HDAC4: variants seen among roughly 807,000 people sequenced by gnomAD.
HDAC4 encodes histone deacetylase A.
A neutral mutation model predicts 135.1 loss-of-function variants in HDAC4; 16 were observed. That is an observed-to-expected ratio of 0.12 (90% CI 0.08 to 0.18). The LOEUF is 0.18. Among genes scored for constraint, HDAC4 ranks in the 10% least tolerant of loss-of-function variants. The probability of loss-of-function intolerance (pLI) is 1.00; values close to 1 mark genes in which losing one functional copy is unlikely to be tolerated. For missense variants in HDAC4, 1,143 were observed against 1,511.8 expected (o/e 0.76, Z 4.05); for synonymous variants, 685 against 653.4 (o/e 1.05, Z -0.74).
At chr2:239,327,260 G>T (rs2053498810) in intron 2 of HDAC4, among the ~76,000 whole-genome samples, 1 of 152,190 alleles carries the variant, frequency 6.6e-6, no homozygotes, top group East Asian at 1.9e-4. Context: ...CTTTCCCACG[G>T]GGTGGCCCAG....
intron 2 of HDAC4, among the ~76,000 whole-genome samples, chr2:239,314,458 A>G (rs2053031687): frequency 6.6e-6 from 1 of 152,178 alleles, no homozygotes; most frequent in African/African-American, 2.4e-5. Context: ...CCATTTGCCA[A>G]AAAGGGGGAT....
intron 12 of HDAC4, among the ~76,000 whole-genome samples, chr2:239,119,001 G>A (rs1263109274): frequency 6.6e-6 from 1 of 152,196 alleles, no homozygotes; most frequent in African/African-American, 2.4e-5. Flanking sequence ...GGGGTGCCAG[G>A]TGCAGCAGGG....
At chr2:239,244,351 G>A (rs941470607) in intron 2 of HDAC4, among the ~76,000 whole-genome samples, 1 of 152,296 alleles carries the variant, frequency 6.6e-6, no homozygotes. Flanking sequence ...GCAGGTGTCT[G>A]TGAGAAAGCG....
At chr2:239,238,026 G>T (rs767336811) in intron 2 of HDAC4, among the ~76,000 whole-genome samples, 1 of 152,218 alleles carries the variant, frequency 6.6e-6, no homozygotes, top group Non-Finnish European at 1.5e-5. Flanking sequence ...CACCAGACCT[G>T]AGCAATCGCC....
intron 11 of HDAC4, among the ~76,000 whole-genome samples, chr2:239,128,607 C>T (rs1256782403): frequency 3.3e-5 from 5 of 152,216 alleles, no homozygotes; most frequent in East Asian, 1.9e-4. Flanking sequence ...AACTACTTCA[C>T]GGAGGAAATA....
chr2:239,185,718 T>A (rs975067218), intron 4 of HDAC4, among the ~76,000 whole-genome samples: 14 of 152,172 alleles, frequency 9.2e-5, no homozygotes, highest in Admixed American at 4.6e-4. Flanking sequence ...CATATTCTTC[T>A]GGGAGGCATT....
intron 2 of HDAC4, among the ~76,000 whole-genome samples, chr2:239,275,449 G>T (rs764493480): frequency 8.5e-5 from 13 of 152,222 alleles, no homozygotes; most frequent in Non-Finnish European, 1.8e-4. Context: ...GGCGCTGTTG[G>T]TCGGGACGCT....
chr2:239,297,027 TAAA>T (rs71043186), intron 2 of HDAC4, among the ~76,000 whole-genome samples: 122 of 118,180 alleles, frequency 1.0e-3, no homozygotes, highest in South Asian at 4.5e-3. Context: ...TGTTTTCATG[TAAA>T]AAAAAAAAAA....
chr2:239,310,320 C>T (rs1360752749), intron 2 of HDAC4, among the ~76,000 whole-genome samples: 1 of 152,218 alleles, frequency 6.6e-6, no homozygotes, highest in African/African-American at 2.4e-5. Flanking sequence ...AAGCCTGGTC[C>T]AGAGCTCCAC....
At chr2:239,305,648 A>G (rs966193453) in intron 2 of HDAC4, 6 of 152,542 alleles carry the variant, frequency 3.9e-5, no homozygotes, top group African/African-American at 1.4e-4. Context: ...AGGTAAATGA[A>G]TAAGAACTGA....
At chr2:239,090,140 G>A in intron 17 of HDAC4, 24 bp from the exon 18 acceptor site, 2 of 1,536,290 alleles carry the variant, frequency 1.3e-6, no homozygotes, top group African/African-American at 1.4e-5. Flanking sequence ...ACCCCACAGT[G>A]AGGTCACCCT....
intron 1 of HDAC4, among the ~76,000 whole-genome samples, chr2:239,378,999 C>A (rs1369983793): frequency 6.6e-6 from 1 of 152,148 alleles, no homozygotes; most frequent in Non-Finnish European, 1.5e-5. Context: ...TGGCACACAG[C>A]AGAATCTTCA....
At chr2:239,178,680 G>A (rs1004331273) in intron 4 of HDAC4, among the ~76,000 whole-genome samples, 17 of 152,218 alleles carry the variant, frequency 1.1e-4, no homozygotes, top group African/African-American at 1.9e-4. Context: ...TGCCTCACCC[G>A]GCCACTGGTG....
intron 2 of HDAC4, among the ~76,000 whole-genome samples, chr2:239,249,422 C>G (rs544261388): frequency 6.6e-6 from 1 of 152,124 alleles, no homozygotes; most frequent in Middle Eastern, 3.2e-3. Context: ...GCCACACTCA[C>G]CCAGGTAGGG....
chr2:239,076,220 G>A (rs550688410), intron 22 of HDAC4, among the ~76,000 whole-genome samples: 5 of 150,330 alleles, frequency 3.3e-5, no homozygotes, highest in African/African-American at 9.8e-5. Context: ...TGTTGGCCAC[G>A]CCCCTCGGCT....
rs2041738920 is a variant in HDAC4, at chr2:239,146,043, G to C, written c.734-1329C>G. Among the ~76,000 whole-genome samples, 1 of 152,156 alleles carries C rather than the reference G, an allele frequency of 6.6e-6. No individual in the cohort carries two copies. Among genetic ancestry groups the C allele is most frequent in the Non-Finnish European group, 1.5e-5 (1 of 68,020 alleles). ...ACTCTAAGCCTCTGCAGGGAGCGAGGCCTCTGTGCTGTGGCACGGGGGACC... is the reference window on the plus strand; with the variant it reads ...ACTCTAAGCCTCTGCAGGGAGCGAGCCCTCTGTGCTGTGGCACGGGGGACC... On this transcript the variant is annotated intron_variant, in intron 7 of 26. Coordinates refer to ENST00000543185, the MANE Select transcript of HDAC4 (RefSeq NM_001378414.1). This position sits in a 1 kb window ranked among gnomAD's most constrained non-coding sequence, Gnocchi z 4.5.
At chr2:239,092,056 G>A (rs1251288021) in intron 17 of HDAC4, among the ~76,000 whole-genome samples, 1 of 152,036 alleles carries the variant, frequency 6.6e-6, no homozygotes, top group Non-Finnish European at 1.5e-5. Flanking sequence ...GGGCGACAGA[G>A]CCAGACTCCG....
chr2:239,279,309 A>C (rs1460392445), intron 2 of HDAC4, among the ~76,000 whole-genome samples: 4 of 152,262 alleles, frequency 2.6e-5, no homozygotes, highest in African/African-American at 9.6e-5. Flanking sequence ...CAAATGACTC[A>C]TTAGAGGGAT....
intron 15 of HDAC4, 129 bp downstream of exon 15, chr2:239,107,921 C>T (rs1390173492): frequency 1.7e-6 from 2 of 1,156,650 alleles, no homozygotes; most frequent in Non-Finnish European, 1.3e-6. Flanking sequence ...ATGCTTGTGG[C>T]CCTTCCCCCG....
Sources: allele counts gnomAD v4.1 joint callset (sites outside exome capture counted in the v4.1 genomes callset), GRCh38; gene constraint gnomAD v4.1.1; non-coding constraint Gnocchi (gnomAD v3.1); transcripts MANE v1.5; gene names NCBI Gene and HGNC (gene_info 2026-07-23, HGNC 2026-07-21).